The following PDE4D variants were observed in gnomAD, a reference collection of about 807,000 sequenced individuals.
PDE4D encodes the protein 3',5'-cyclic-AMP phosphodiesterase 4D.
In PDE4D, 24 loss-of-function variants were observed where a neutral mutation model predicts 87.4. The observed-to-expected ratio is 0.27, with a 90% confidence interval of 0.20 to 0.39. PDE4D has a LOEUF of 0.39. Ranked by LOEUF, PDE4D falls within the 10% of genes least tolerant of loss-of-function variation. PDE4D has a pLI of 1.00. For synonymous variants in PDE4D, 384 were observed against 383.2 expected, an observed-to-expected ratio of 1.00 and a Z score of -0.02; for missense variants, 714 against 1,041.0, an observed-to-expected ratio of 0.69 and a Z score of 4.32.
At chr5:59,210,724 T>C (rs1250501550) in intron 2 of PDE4D, among the ~76,000 whole-genome samples, 1 of 152,212 alleles carries the variant, frequency 6.6e-6, no homozygotes, top group African/African-American at 2.4e-5. Context: ...TGTATATGAA[T>C]GTGAGTGAAG....
intron 1 of PDE4D, among the ~76,000 whole-genome samples, chr5:59,310,916 G>T (rs928851999): frequency 2.0e-5 from 3 of 152,158 alleles, no homozygotes; most frequent in African/African-American, 4.8e-5. Context: ...TTCCCTTACA[G>T]CTGCTGGCTA....
At chr5:59,688,788 AT>A (rs1220830582) in intron 1 of PDE4D, among the ~76,000 whole-genome samples, 4 of 152,068 alleles carry the variant, frequency 2.6e-5, no homozygotes, top group Non-Finnish European at 5.9e-5. Flanking sequence ...AGGAGCTGGT[AT>A]TTTGAAAAGA....
intron 1 of PDE4D, among the ~76,000 whole-genome samples, chr5:60,518,003 C>A (rs889780278): frequency 1.3e-5 from 2 of 152,254 alleles, no homozygotes; most frequent in Non-Finnish European, 2.9e-5. Context: ...CTCTTTGGGG[C>A]TCTGTAGTTC....
intron 1 of PDE4D, among the ~76,000 whole-genome samples, chr5:59,526,223 G>T (rs1562335636): frequency 6.6e-6 from 1 of 152,124 alleles, no homozygotes; most frequent in East Asian, 1.9e-4. Flanking sequence ...AGTTTGAAGT[G>T]CAAACCACAA....
rs1746780582 is a variant in PDE4D, at chr5:60,459,794, C to T, written c.-90+28148G>A. 4 of 510,782 alleles carry T rather than the reference C, an allele frequency of 7.8e-6. No individual in the cohort carries two copies. In the East Asian group the frequency reaches 1.4e-4, roughly 18 times the overall value. 31.6% of individuals were successfully genotyped at this position (510,782 alleles called of 1,614,324 possible). A position where few individuals can be genotyped will look rare whatever the true frequency, so the allele number is the denominator to read the frequency against. ...AAAAAGAAAAGACTGGAACTTGCTCCCAGGGACTGGAGAAAAATTTTTAAA... is the reference window on the plus strand; with the variant it reads ...AAAAAGAAAAGACTGGAACTTGCTCTCAGGGACTGGAGAAAAATTTTTAAA... On this transcript the variant is annotated intron_variant, in intron 1 of 16. Coordinates refer to the PDE4D transcript ENST00000502484.
At chr5:60,014,812 G>T (rs1260488349) in intron 2 of PDE4D, among the ~76,000 whole-genome samples, 1 of 152,134 alleles carries the variant, frequency 6.6e-6, no homozygotes. Flanking sequence ...GGAATAAATA[G>T]TCTCACAAAG....
intron 1 of PDE4D, among the ~76,000 whole-genome samples, chr5:59,427,206 A>G (rs1340955202): frequency 6.6e-6 from 1 of 150,922 alleles, no homozygotes; most frequent in African/African-American, 2.4e-5. Flanking sequence ...GAAACAAGGA[A>G]AGGGAATTTA....
chr5:59,971,384 A>AATAAATAAAAAAG (rs1358629602), intron 3 of PDE4D, among the ~76,000 whole-genome samples: 1 of 151,858 alleles, frequency 6.6e-6, no homozygotes, highest in Non-Finnish European at 1.5e-5. Context: ...ATAAATAAAA[A>AATAAATAAAAAAG]AGAGAGAGAG....
chr5:59,324,253 GT>G (rs1775244528), intron 1 of PDE4D, among the ~76,000 whole-genome samples: 1 of 152,090 alleles, frequency 6.6e-6, no homozygotes, highest in Admixed American at 6.6e-5. Flanking sequence ...TGATACTATA[GT>G]TTCTGATTTA....
At chr5:59,413,186 G>A (rs1053840677) in intron 1 of PDE4D, among the ~76,000 whole-genome samples, 8 of 151,688 alleles carry the variant, frequency 5.3e-5, no homozygotes, top group African/African-American at 1.7e-4. Flanking sequence ...GGCTGGGCGC[G>A]GTGGCTCACG....
chr5:59,546,100 C>A (rs563059337), intron 1 of PDE4D, among the ~76,000 whole-genome samples: 1 of 152,098 alleles, frequency 6.6e-6, no homozygotes, highest in African/African-American at 2.4e-5. Flanking sequence ...AAAATGTAAC[C>A]AATTTAGCTA....
intron 2 of PDE4D, among the ~76,000 whole-genome samples, chr5:60,037,467 A>G (rs1192474341): frequency 6.6e-6 from 1 of 152,192 alleles, no homozygotes; most frequent in Non-Finnish European, 1.5e-5. Flanking sequence ...ACTAATACAT[A>G]TAACTTACTT....
chr5:59,645,122 A>T (rs896744914), intron 1 of PDE4D, among the ~76,000 whole-genome samples: 1 of 152,212 alleles, frequency 6.6e-6, no homozygotes, highest in Non-Finnish European at 1.5e-5. Flanking sequence ...GCTGAACTCT[A>T]GGAAAAAAAT....
chr5:59,529,728 G>A (rs773764808), intron 1 of PDE4D, among the ~76,000 whole-genome samples: 2 of 152,116 alleles, frequency 1.3e-5, no homozygotes, highest in Non-Finnish European at 2.9e-5. Context: ...AACATTATAT[G>A]ACCAAAAGGT....
chr5:58,988,731 G>C, intron 10 of PDE4D, 139 bp from the exon 11 acceptor site: 1 of 406,086 alleles, frequency 2.5e-6, no homozygotes, highest in Non-Finnish European at 4.3e-6. Context: ...TCAAGGGAGA[G>C]TCTTAGATAC....
chr5:60,440,411 T>C (rs911367599), intron 1 of PDE4D, among the ~76,000 whole-genome samples: 3 of 152,114 alleles, frequency 2.0e-5, no homozygotes, highest in African/African-American at 7.2e-5. Context: ...TTTCTTCGTG[T>C]GTAATTAAAC....
At chr5:59,475,389 T>C (rs1414280485) in intron 1 of PDE4D, among the ~76,000 whole-genome samples, 3 of 152,200 alleles carry the variant, frequency 2.0e-5, no homozygotes, top group Admixed American at 6.6e-5. Flanking sequence ...TGAAATAGGG[T>C]ATTATAAAGC....
intron 1 of PDE4D, among the ~76,000 whole-genome samples, chr5:59,710,893 T>C (rs1018213211): frequency 1.3e-5 from 2 of 152,312 alleles, no homozygotes; most frequent in African/African-American, 4.8e-5. Flanking sequence ...CATGGTTTTA[T>C]ATGTGATACT....
chr5:60,345,440 G>A (rs976874762), intron 1 of PDE4D, among the ~76,000 whole-genome samples: 16 of 139,832 alleles, frequency 1.1e-4, no homozygotes, highest in Non-Finnish European at 2.3e-4. Context: ...AGAACGTAAA[G>A]TATAATAATA....
Sources: gnomAD v4.1 joint callset for allele counts (sites outside exome capture counted in the v4.1 genomes callset) on GRCh38, gnomAD v4.1.1 for gene constraint, MANE v1.5 for transcripts, NCBI Gene and HGNC (gene_info 2026-07-23, HGNC 2026-07-21) for gene names.